Variants in SCAMP1 observed in about 807,000 individuals in gnomAD.
SCAMP1 encodes secretory carrier-associated membrane protein 1.
SCAMP1 carries 15 observed loss-of-function variants against 41.8 expected under a neutral mutation model. The ratio of observed to expected loss-of-function variants is 0.36; its 90% CI spans 0.24 to 0.55. The LOEUF (loss-of-function observed/expected upper bound fraction) is 0.55. Among genes scored for constraint, SCAMP1 ranks in the 20% least tolerant of loss-of-function variants. The pLI, the probability that SCAMP1 is intolerant of heterozygous loss-of-function variation, is 0.86. For missense variants in SCAMP1, 341 were observed against 412.6 expected (o/e 0.83, Z 1.50); for synonymous variants, 135 against 136.8 (o/e 0.99, Z 0.09).
intron 1 of SCAMP1, among the ~76,000 whole-genome samples, chr5:78,372,550 A>T (rs1580643612): frequency 1.1e-5 from 1 of 91,696 alleles, no homozygotes; most frequent in African/African-American, 3.9e-5. Flanking sequence ...CTCAGATATT[A>T]AAAAAAAAAA....
intron 1 of SCAMP1, among the ~76,000 whole-genome samples, chr5:78,367,812 A>T (rs1750836960): frequency 1.3e-5 from 2 of 152,124 alleles, no homozygotes; most frequent in Non-Finnish European, 2.9e-5. Flanking sequence ...GCAGTTCTGA[A>T]ATCTAGCCAG....
intron 8 of SCAMP1, among the ~76,000 whole-genome samples, chr5:78,465,883 C>G (rs1753733663): frequency 6.6e-6 from 1 of 152,168 alleles, no homozygotes; most frequent in African/African-American, 2.4e-5. Context: ...TTCTTAAGGC[C>G]TTTCAACAGA....
At chr5:78,399,476 A>T (rs909166013) in intron 2 of SCAMP1, among the ~76,000 whole-genome samples, 3 of 152,172 alleles carry the variant, frequency 2.0e-5, no homozygotes, top group Admixed American at 2.0e-4. Context: ...CCTCTCCAAC[A>T]TTTGGTGTTA....
intron 1 of SCAMP1, among the ~76,000 whole-genome samples, chr5:78,370,179 T>C (rs1436666650): frequency 6.6e-6 from 1 of 152,234 alleles, no homozygotes; most frequent in Non-Finnish European, 1.5e-5. Flanking sequence ...ACCGTAAGTG[T>C]AAAGTAACAT....
chr5:78,392,383 C>G (rs1351094479), intron 2 of SCAMP1, among the ~76,000 whole-genome samples: 1 of 152,160 alleles, frequency 6.6e-6, no homozygotes, highest in African/African-American at 2.4e-5. Context: ...AAAGCTTTTG[C>G]CTTTTTCATT....
chr5:78,475,439 A>G (rs546409098), intron 8 of SCAMP1, 65 bp from the exon 9 acceptor site: 1 of 1,217,060 alleles, frequency 8.2e-7, no homozygotes, highest in East Asian at 2.6e-5. Context: ...GTTGAGATTA[A>G]GAGCTGCTGG....
intron 6 of SCAMP1, among the ~76,000 whole-genome samples, chr5:78,442,718 A>G (rs1356541085): frequency 6.6e-6 from 1 of 152,214 alleles, no homozygotes; most frequent in Non-Finnish European, 1.5e-5. Context: ...TTGTCTGTTT[A>G]AGCTTTCTAC....
chr5:78,440,925 A>G (rs1192725304), intron 6 of SCAMP1, among the ~76,000 whole-genome samples: 4 of 152,156 alleles, frequency 2.6e-5, no homozygotes, highest in South Asian at 2.1e-4. Context: ...CCCCTCTCCC[A>G]GCCTTGCTGC....
chr5:78,447,610 A>G (rs548314273), intron 6 of SCAMP1, among the ~76,000 whole-genome samples: 36 of 152,266 alleles, frequency 2.4e-4, no homozygotes, highest in African/African-American at 8.4e-4. Flanking sequence ...AAAAAAGAAC[A>G]TAGACTTGAA....
chr5:78,444,366 G>A (rs1753003227), intron 6 of SCAMP1, among the ~76,000 whole-genome samples: 1 of 152,216 alleles, frequency 6.6e-6, no homozygotes, highest in East Asian at 1.9e-4. Flanking sequence ...GCAAAGGTAT[G>A]TCTTACATGG....
intron 2 of SCAMP1, among the ~76,000 whole-genome samples, chr5:78,410,127 T>C (rs1752036414): frequency 6.6e-6 from 1 of 151,962 alleles, no homozygotes; most frequent in Non-Finnish European, 1.5e-5. Flanking sequence ...CTTTTTTTTT[T>C]TTTTCCAACT....
At chr5:78,365,103 A>G (rs192145103) in intron 1 of SCAMP1, among the ~76,000 whole-genome samples, 261 of 152,366 alleles carry the variant, frequency 1.7e-3, no homozygotes, top group Admixed American at 5.9e-3. Flanking sequence ...ATGAACATAC[A>G]TTTAGCATAT....
At chr5:78,444,776 A>T (rs759282871) in intron 6 of SCAMP1, among the ~76,000 whole-genome samples, 1 of 152,212 alleles carries the variant, frequency 6.6e-6, no homozygotes, top group Non-Finnish European at 1.5e-5. Context: ...CATGAGTGTA[A>T]TACAGGTATC....
Position 78,460,939 on chromosome 5 carries a change from T to G in SCAMP1, c.852+1577T>G, listed in dbSNP as rs541534258. 3.6e-3 allele frequency among the ~76,000 whole-genome samples: 544 copies of G among 152,002 alleles called. 7 individuals carry two copies. Among genetic ancestry groups the G allele is most frequent in the African/African-American group, 0.013 (524 of 41,408 alleles). ...GGCTCAATCTCAGCTCATTGCAATC[T>G]CCACCTCCCGTGTTCACACAATTTT... On this transcript the variant is annotated intron_variant, in intron 8 of 8. Coordinates refer to ENST00000621999, the MANE Select transcript of SCAMP1 (RefSeq NM_004866.6).
intron 8 of SCAMP1, 128 bp downstream of exon 8, chr5:78,459,490 A>T (rs1226677859): frequency 1.7e-6 from 1 of 573,006 alleles, no homozygotes; most frequent in Non-Finnish European, 3.1e-6. Flanking sequence ...CTCTCTGAGG[A>T]TTACTTTTTA....
At chr5:78,365,318 C>T (rs1439834173) in intron 1 of SCAMP1, among the ~76,000 whole-genome samples, 4 of 151,484 alleles carry the variant, frequency 2.6e-5, no homozygotes, top group Non-Finnish European at 5.9e-5. Context: ...ACCAAAAACA[C>T]AAAAAATTAG....
chr5:78,373,335 G>T (rs187527384), intron 1 of SCAMP1, among the ~76,000 whole-genome samples: 1 of 152,100 alleles, frequency 6.6e-6, no homozygotes, highest in Admixed American at 6.5e-5. Context: ...CTACTTTCAA[G>T]CTTTGGGAAT....
intron 7 of SCAMP1, among the ~76,000 whole-genome samples, chr5:78,458,541 A>G (rs1290120681): frequency 1.3e-5 from 2 of 152,192 alleles, no homozygotes; most frequent in Admixed American, 6.5e-5. Context: ...TATATGGTTT[A>G]TAAATATCTT....
intron 2 of SCAMP1, among the ~76,000 whole-genome samples, chr5:78,409,776 T>C (rs1752025268): frequency 2.0e-5 from 3 of 152,178 alleles, no homozygotes; most frequent in Admixed American, 2.0e-4. Flanking sequence ...TTCATCCTTA[T>C]CTACTAGTTT....
Sources: gnomAD v4.1 joint callset for allele counts (sites outside exome capture counted in the v4.1 genomes callset) on GRCh38, gnomAD v4.1.1 for gene constraint, MANE v1.5 for transcripts, NCBI Gene and HGNC (gene_info 2026-07-23, HGNC 2026-07-21) for gene names.